Variants in PCDHGA1 observed in about 807,000 individuals in gnomAD.
PCDHGA1 encodes protocadherin gamma-A1.
PCDHGA1 carries 32 observed loss-of-function variants against 58.0 expected under a neutral mutation model. The ratio of observed to expected loss-of-function variants is 0.55; its 90% confidence interval spans 0.42 to 0.74. The LOEUF is 0.74. PCDHGA1 is among the 30% of genes least tolerant of loss of function. The pLI is 0.00. For missense variants in PCDHGA1, 1,205 were observed against 1,182.3 expected, an observed-to-expected ratio of 1.02 and a Z score of -0.28; for synonymous variants, 498 against 501.1, an observed-to-expected ratio of 0.99 and a Z score of 0.08.
intron 1 of PCDHGA1, chr5:141,342,575 G>C (rs1016807760): frequency 6.6e-6 from 1 of 152,112 alleles, no homozygotes; most frequent in Non-Finnish European, 1.5e-5. Flanking sequence ...TGTTGTTTTG[G>C]TTACTATTAC....
At chr5:141,372,937 GGGTGTCTAGGA>G (rs538849819) in intron 1 of PCDHGA1, 1 of 831,292 alleles carries the variant, frequency 1.2e-6, no homozygotes, top group East Asian at 2.7e-5. Flanking sequence ...GTGTAGAGTA[GGGTGTCTAGGA>G]AATTCTTTGT....
rs377367120 is a variant in PCDHGA1, at chr5:141,431,614, C to A, written c.2422-63193C>A. On this transcript the variant is annotated intron_variant, in intron 1 of 3. Transcript: ENST00000517417. The surrounding 1 kb of genome is among the most constrained non-coding windows in gnomAD (Gnocchi z 4.8). ...TGAGGTATTCCTTCCGGTATGTGGA[C>A]GACAAGGCGGCCCAAGTTTTCAAAC... The A allele has an allele frequency of 8.7e-6, 14 of 1,614,206 alleles. No individual in the cohort carries two copies. In the African/African-American group the frequency reaches 1.6e-4, roughly 18 times the overall value.
intron 1 of PCDHGA1, chr5:141,404,152 T>C (rs769503668): frequency 1.9e-5 from 31 of 1,612,848 alleles, no homozygotes; most frequent in Non-Finnish European, 2.0e-5. Flanking sequence ...CAGAAGAAGA[T>C]TATTACAGAT....
In PCDHGA1 at chr5:141,399,312, A is replaced by C. The variant is rs142753281; in HGVS notation, c.2421+66207A>C. 774 of 1,613,972 alleles carry C rather than the reference A, an allele frequency of 4.8e-4. 4 individuals carry two copies. The African/African-American group carries it at 8.9e-3, about 19-fold the overall frequency. ...CTTTTAAGATTATCTCTTCATCCAAAAATTCGTATAAGTTGGTAACAGATG... is the reference window on the plus strand; with the variant it reads ...CTTTTAAGATTATCTCTTCATCCAACAATTCGTATAAGTTGGTAACAGATG... On this transcript the variant is annotated intron_variant, in intron 1 of 3. Transcript: ENST00000517417.
intron 1 of PCDHGA1, chr5:141,390,345 A>G: frequency 6.3e-7 from 1 of 1,576,504 alleles, no homozygotes; most frequent in Non-Finnish European, 8.7e-7. Context: ...TTCACAAGAA[A>G]ATATACATAT....
intron 1 of PCDHGA1, chr5:141,422,092 G>C: frequency 6.2e-7 from 1 of 1,611,520 alleles, no homozygotes; most frequent in Non-Finnish European, 8.5e-7. Flanking sequence ...GGAAAGCAAG[G>C]CTTCTGAAAT....
intron 1 of PCDHGA1, chr5:141,415,469 C>T (rs1247738517): frequency 1.9e-6 from 3 of 1,614,208 alleles, no homozygotes; most frequent in South Asian, 2.2e-5. Flanking sequence ...TCTCTCACCG[C>T]GGACTCGCGA....
intron 1 of PCDHGA1, chr5:141,414,696 A>T: frequency 6.2e-7 from 1 of 1,613,982 alleles, no homozygotes; most frequent in Non-Finnish European, 8.5e-7. Flanking sequence ...CTCTGTCCTC[A>T]TACATATCCA....
chr5:141,379,614 A>G (rs947547089), intron 1 of PCDHGA1: 1 of 152,204 alleles, frequency 6.6e-6, no homozygotes, highest in African/African-American at 2.4e-5. Context: ...TTTCATTTAA[A>G]CAAATAAAAT....
chr5:141,382,175 C>G (rs1273619481), intron 1 of PCDHGA1, among the ~76,000 whole-genome samples: 3 of 152,028 alleles, frequency 2.0e-5, no homozygotes, highest in Non-Finnish European at 2.9e-5. Context: ...TAGACCGTCT[C>G]TAAGGTTCTA....
At chr5:141,414,396 A>G in intron 1 of PCDHGA1, 1 of 1,613,884 alleles carries the variant, frequency 6.2e-7, no homozygotes, top group Non-Finnish European at 8.5e-7. Flanking sequence ...GTTATTACAG[A>G]TTGGTGATAC....
At position 141,485,299 on chromosome 5, in the gene PCDHGA1, G is replaced by A; in HGVS notation, c.2422-9508G>A. On this transcript the variant is annotated intron_variant, in intron 1 of 3. Coordinates refer to ENST00000517417, the MANE Select transcript of PCDHGA1 (RefSeq NM_018912.3). The surrounding 1 kb of genome is among the most constrained non-coding windows in gnomAD (Gnocchi z 5.7). ...CGGTCCCAGAGGAGTCACAGGAAGG[G>A]ACTTTTGTAGGGAATGTCGCTCAAG... 1 of 1,614,180 alleles carries A rather than the reference G, an allele frequency of 6.2e-7. No individual in the cohort carries two copies. Among genetic ancestry groups the A allele is most frequent in the Non-Finnish European group, 8.5e-7 (1 of 1,180,012 alleles).
intron 1 of PCDHGA1, chr5:141,352,325 G>C: frequency 6.2e-7 from 1 of 1,614,080 alleles, no homozygotes; most frequent in Non-Finnish European, 8.5e-7. Context: ...GTTTTACCTG[G>C]TTGTGGCCTT....
chr5:141,455,158 T>TG (rs1279537888), intron 1 of PCDHGA1, among the ~76,000 whole-genome samples: 46 of 145,032 alleles, frequency 3.2e-4, no homozygotes, highest in African/African-American at 1.0e-3. Flanking sequence ...ATTAGTTTGT[T>TG]GGTTTTTTTT....
chr5:141,362,414 C>G, intron 1 of PCDHGA1: 1 of 1,614,058 alleles, frequency 6.2e-7, no homozygotes, highest in Non-Finnish European at 8.5e-7. Context: ...GCCTCACAAT[C>G]AGCCAAGACA....
At position 141,477,053 on chromosome 5, in the gene PCDHGA1, G is replaced by C; in HGVS notation, c.2422-17754G>C. ...GACAATCAAGGGTCGGCTGGACTTC[G>C]AGGACACCAAACTCCATGAGATTTA... On this transcript the variant is annotated intron_variant, in intron 1 of 3. Coordinates refer to ENST00000517417, the MANE Select transcript of PCDHGA1 (RefSeq NM_018912.3). This position sits in a 1 kb window ranked among gnomAD's most constrained non-coding sequence, Gnocchi z 4.9. The C allele has an allele frequency of 6.2e-7, 1 of 1,614,230 alleles. No homozygotes were observed. Among genetic ancestry groups the C allele is most frequent in the Non-Finnish European group, 8.5e-7 (1 of 1,180,032 alleles).
In PCDHGA1 at chr5:141,343,656, A is replaced by G. The variant is rs1006178589; in HGVS notation, c.2421+10551A>G. The stretch of plus-strand genomic sequence containing the variant: ...CTTGAGGTGACACTGTTTAACATAT[A>G]TCGATTCAATTATGTTCAATCAACA... On this transcript the variant is annotated intron_variant, in intron 1 of 3. Coordinates refer to ENST00000517417, the MANE Select transcript of PCDHGA1 (RefSeq NM_018912.3). Among the ~76,000 whole-genome samples, 2 of 152,244 alleles carry G rather than the reference A, an allele frequency of 1.3e-5. 1 individual carries two copies. The highest frequency in any genetic ancestry group is 3.8e-4 in the East Asian group (2 of 5,202).
intron 1 of PCDHGA1, among the ~76,000 whole-genome samples, chr5:141,468,963 C>G (rs951670777): frequency 1.3e-5 from 2 of 150,940 alleles, no homozygotes; most frequent in Admixed American, 6.6e-5. Context: ...TTTTTTTTAC[C>G]TTAGGCTTTT....
intron 1 of PCDHGA1, among the ~76,000 whole-genome samples, chr5:141,462,069 C>T (rs555164288): frequency 4.3e-4 from 65 of 151,850 alleles, no homozygotes; most frequent in Non-Finnish European, 7.5e-4. Context: ...GTGATCTGCC[C>T]GCCTTGGCCT....
Sources: gnomAD v4.1 joint callset for allele counts (sites outside exome capture counted in the v4.1 genomes callset) on GRCh38, gnomAD v4.1.1 for gene constraint, Gnocchi (gnomAD v3.1) non-coding constraint, MANE v1.5 for transcripts, NCBI Gene and HGNC (gene_info 2026-07-23, HGNC 2026-07-21) for gene names.